The following CPS1 variants were observed in gnomAD, a reference collection of about 807,000 sequenced individuals.
The protein encoded by CPS1 is carbamoyl-phosphate synthase 1.
Under a neutral mutation model 174.6 loss-of-function variants are expected in CPS1, and 109 were observed. The ratio of observed to expected loss-of-function variants is 0.62; its 90% CI spans 0.53 to 0.73. CPS1 has a LOEUF of 0.73. CPS1 is among the 30% of genes least tolerant of loss of function. The pLI is 0.00. For synonymous variants in CPS1, 637 were observed against 632.0 expected (o/e 1.01, Z -0.12); for missense variants, 1,689 against 1,821.9 (o/e 0.93, Z 1.33).
At position 210,594,569 on chromosome 2, in the gene CPS1, T is replaced by A. The variant is rs370342489; in HGVS notation, c.1226T>A (p.Val409Asp). Reference protein sequence around the residue: ...KKGKATTITSVLPKPALVASR... With the variant: ...KKGKATTITSDLPKPALVASR... ...GGAAAAGCTACCACCATTACATCAG[T>A]CTTACCGAAGCCAGCACTAGTTGCA... Residue 409 changes from valine to aspartate, a missense_variant, in exon 12 of 38, where the codon GTC (valine) becomes GAC (aspartate). Transcript: ENST00000233072. 6.2e-7 allele frequency: 1 copy of A among 1,611,286 alleles called. No homozygotes were observed. Among genetic ancestry groups the A allele is most frequent in the African/African-American group, 1.3e-5 (1 of 74,736 alleles).
intron 1 of CPS1, among the ~76,000 whole-genome samples, chr2:210,558,150 A>T (rs1696978857): frequency 6.6e-6 from 1 of 152,064 alleles, no homozygotes; most frequent in South Asian, 2.1e-4. Flanking sequence ...GAAGATTCTA[A>T]CAAGAGTATA....
intron 6 of CPS1, among the ~76,000 whole-genome samples, chr2:210,586,970 G>T (rs769288648): frequency 6.6e-6 from 1 of 151,828 alleles, no homozygotes; most frequent in African/African-American, 2.4e-5. Context: ...GAAGCCTAAG[G>T]TTAAGAAAAG....
intron 1 of CPS1, among the ~76,000 whole-genome samples, chr2:210,501,232 T>C (rs1695131403): frequency 6.6e-6 from 1 of 152,116 alleles, no homozygotes; most frequent in Non-Finnish European, 1.5e-5. Flanking sequence ...GGGGCTGCCA[T>C]GAAGGTCACT....
intron 1 of CPS1, 123 bp from the exon 2 acceptor site, chr2:210,573,175 G>T (rs919514122): frequency 7.1e-5 from 59 of 835,730 alleles, no homozygotes; most frequent in Middle Eastern, 2.8e-4. Context: ...GGAAATCTGG[G>T]CATTATGGTT....
intron 1 of CPS1, among the ~76,000 whole-genome samples, chr2:210,545,936 C>T (rs1227145283): frequency 2.0e-5 from 3 of 152,078 alleles, no homozygotes; most frequent in Non-Finnish European, 2.9e-5. Flanking sequence ...TAGGTGATCA[C>T]ATTTCATCCT....
Position 210,656,586 on chromosome 2 carries a change from C to T in CPS1, c.3620C>T (p.Thr1207Ile). The change falls in exon 30 of 38, where the codon ACT becomes ATT. Residue 1207 changes from threonine (T) to isoleucine (I), a missense_variant. Thr to Ile is a moderately conservative substitution (Grantham distance 89). Coordinates refer to ENST00000233072, the MANE Select transcript of CPS1 (RefSeq NM_001875.5). ...EDAGVHSGDA[T>I]LMLPTQTISQ... ...GCAGGTGTCCACTCGGGAGATGCCA[C>T]TCTGATGCTGCCCACACAAACCATC... The T allele has an allele frequency of 1.2e-6, 2 of 1,610,886 alleles. No homozygotes were observed. The highest frequency in any genetic ancestry group is 1.7e-6 in the Non-Finnish European group (2 of 1,179,696).
intron 1 of CPS1, among the ~76,000 whole-genome samples, chr2:210,539,959 C>T (rs1384317064): frequency 6.6e-6 from 1 of 152,154 alleles, no homozygotes; most frequent in Non-Finnish European, 1.5e-5. Context: ...ATTTCTACTA[C>T]ATTGCTCCTT....
At chr2:210,580,361 G>C (rs2106087303) in intron 5 of CPS1, among the ~76,000 whole-genome samples, 1 of 152,068 alleles carries the variant, frequency 6.6e-6, no homozygotes, top group East Asian at 1.9e-4. Flanking sequence ...AGTGAAGTCT[G>C]ATTGCTACAA....
At chr2:210,496,720 A>G (rs993282864) in intron 1 of CPS1, among the ~76,000 whole-genome samples, 1 of 152,122 alleles carries the variant, frequency 6.6e-6, no homozygotes, top group Non-Finnish European at 1.5e-5. Context: ...ACATGCAGGC[A>G]CACTTCCTCC....
intron 13 of CPS1, 149 bp from the exon 14 acceptor site, chr2:210,599,223 C>G: frequency 1.4e-6 from 1 of 691,920 alleles, no homozygotes; most frequent in Non-Finnish European, 2.6e-6. Flanking sequence ...GCTTGTCTTC[C>G]TTTAACTTCC....
intron 1 of CPS1, among the ~76,000 whole-genome samples, chr2:210,529,894 A>G (rs1449341706): frequency 6.6e-6 from 1 of 152,062 alleles, no homozygotes; most frequent in Non-Finnish European, 1.5e-5. Flanking sequence ...TACCCACAAT[A>G]TAATGCTAGA....
intron 1 of CPS1, among the ~76,000 whole-genome samples, chr2:210,570,572 G>A (rs1242587060): frequency 3.9e-5 from 6 of 151,938 alleles, no homozygotes; most frequent in African/African-American, 1.4e-4. Flanking sequence ...ATGTCTCAGA[G>A]TAGCACAGAT....
At chr2:210,670,350 G>A (rs1327433263) in intron 34 of CPS1, among the ~76,000 whole-genome samples, 1 of 152,056 alleles carries the variant, frequency 6.6e-6, no homozygotes, top group Non-Finnish European at 1.5e-5. Flanking sequence ...TTTTAAAAAT[G>A]CTTAGTCTGA....
At position 210,677,129 on chromosome 2, in the gene CPS1, A is replaced by G; in HGVS notation, c.4397A>G (p.Asn1466Ser). The G allele has an allele frequency of 6.2e-7, 1 of 1,613,772 alleles. No individual in the cohort carries two copies. Among genetic ancestry groups the G allele is most frequent in the African/African-American group, 1.3e-5 (1 of 74,988 alleles). The change falls in exon 37 of 38, where the codon AAT becomes AGT. Residue 1466 changes from asparagine to serine, a missense_variant. Coordinates refer to ENST00000233072, the MANE Select transcript of CPS1 (RefSeq NM_001875.5). ...GATAGTGGAATCCCTCTCCTCACTA[A>G]TTTTCAGGTATAGTCTTTTCCTTGG... ...AVDSGIPLLT[N>S]FQVTKLFAEA...
chr2:210,602,233 T>C lies in CPS1; in HGVS notation c.1739T>C (p.Ile580Thr), dbSNP rs781622615. The change falls in exon 16 of 38, where the codon ATT becomes ACT. Residue 580 changes from isoleucine to threonine, a missense_variant. By Grantham distance (89) the Ile-to-Thr change is moderately conservative. Coordinates refer to ENST00000233072, the MANE Select transcript of CPS1 (RefSeq NM_001875.5). ...IEDALKAADT[I>T]GYPVMIRSAY... ...GATGCACTGAAGGCAGCAGACACCA[T>C]TGGCTACCCAGTGATGATCCGTTCC... is the stretch of plus-strand genomic sequence containing the variant. The C allele has an allele frequency of 6.2e-7, 1 of 1,612,432 alleles. No homozygotes were observed. The highest frequency in any genetic ancestry group is 8.5e-7 in the Non-Finnish European group (1 of 1,179,048).
chr2:210,512,402 A>G (rs1341007886), intron 1 of CPS1, among the ~76,000 whole-genome samples: 2 of 151,728 alleles, frequency 1.3e-5, no homozygotes, highest in Non-Finnish European at 2.9e-5. Flanking sequence ...TGCCATCTTT[A>G]TGTTCATGAG....
chr2:210,479,315 C>A (rs1382700938), intron 1 of CPS1, among the ~76,000 whole-genome samples: 3 of 149,244 alleles, frequency 2.0e-5, no homozygotes, highest in East Asian at 4.1e-4. Context: ...CTTCATTGAA[C>A]CTTATCATTC....
chr2:210,511,478 C>T (rs1695490622), intron 1 of CPS1, among the ~76,000 whole-genome samples: 1 of 151,998 alleles, frequency 6.6e-6, no homozygotes, highest in South Asian at 2.1e-4. Flanking sequence ...CACATGTATA[C>T]ATATGTAACA....
intron 1 of CPS1, among the ~76,000 whole-genome samples, chr2:210,506,052 A>G (rs774662544): frequency 2.0e-5 from 3 of 152,182 alleles, no homozygotes; most frequent in Non-Finnish European, 2.9e-5. Context: ...TTCTCCCAGC[A>G]TGCAGCTGGA....
Sources: allele counts gnomAD v4.1 joint callset (sites outside exome capture counted in the v4.1 genomes callset), GRCh38; gene constraint gnomAD v4.1.1; transcripts MANE v1.5; gene names NCBI Gene and HGNC (gene_info 2026-07-23, HGNC 2026-07-21).